The following CTNNA2 variants were observed in gnomAD, a reference collection of about 807,000 sequenced individuals.
CTNNA2 encodes the protein catenin alpha-2.
A neutral mutation model predicts 101.0 loss-of-function variants in CTNNA2; 42 were observed. That is an observed-to-expected ratio of 0.42 (90% CI 0.32 to 0.54). The LOEUF (loss-of-function observed/expected upper bound fraction) is 0.54. CTNNA2 is among the 20% of genes least tolerant of loss of function. The pLI, the probability that CTNNA2 is intolerant of heterozygous loss-of-function variation, is 0.14. For synonymous variants in CTNNA2, 450 were observed against 456.4 expected (o/e 0.99, Z 0.18); for missense variants, 871 against 1,223.1 (o/e 0.71, Z 4.29).
rs117133065 is a variant in CTNNA2, at chr2:79,586,928, T to C, written c.-5-64624T>C. 6.5e-3 allele frequency among the ~76,000 whole-genome samples: 992 copies of C among 152,274 alleles called. 46 individuals are homozygous for C. In the East Asian group the frequency reaches 0.098, roughly 15 times the overall value. ...AGTGAGAACATATGATATTTGGTTT[T>C]CCATTGCTGAGTTACTTCACTTAAA... On this transcript the variant is annotated intron_variant, in intron 1 of 18. Transcript: ENST00000402739.
chr2:80,172,737 C>G (rs553117855), intron 7 of CTNNA2, among the ~76,000 whole-genome samples: 2 of 152,144 alleles, frequency 1.3e-5, no homozygotes, highest in African/African-American at 4.8e-5. Flanking sequence ...CCTTGCAGCT[C>G]TTCTAGTTTC....
chr2:80,277,086 T>C (rs1178931248), intron 7 of CTNNA2, among the ~76,000 whole-genome samples: 1 of 152,138 alleles, frequency 6.6e-6, no homozygotes, highest in Admixed American at 6.5e-5. Flanking sequence ...ATTCACAGAA[T>C]TCACAGAAAA....
chr2:80,228,259 AG>A (rs1709002638), intron 7 of CTNNA2, among the ~76,000 whole-genome samples: 1 of 152,200 alleles, frequency 6.6e-6, no homozygotes, highest in African/African-American at 2.4e-5. Context: ...GGAATCTGGT[AG>A]GTTCAAAATC....
chr2:80,042,650 T>C (rs1333959664), intron 7 of CTNNA2, among the ~76,000 whole-genome samples: 1 of 152,200 alleles, frequency 6.6e-6, no homozygotes, highest in Non-Finnish European at 1.5e-5. Context: ...CGATTCATGA[T>C]ACCTGTCATA....
At chr2:80,619,907 G>A (rs909978965) in intron 18 of CTNNA2, among the ~76,000 whole-genome samples, 1 of 151,822 alleles carries the variant, frequency 6.6e-6, no homozygotes, top group East Asian at 1.9e-4. Flanking sequence ...GGCATGAAAA[G>A]CTGCTATTGT....
chr2:79,260,739 T>C (rs1237844129), intron 2 of CTNNA2, among the ~76,000 whole-genome samples: 1 of 152,126 alleles, frequency 6.6e-6, no homozygotes, highest in African/African-American at 2.4e-5. Flanking sequence ...CTTACACTAA[T>C]TAGCAATACT....
intron 7 of CTNNA2, among the ~76,000 whole-genome samples, chr2:79,918,540 G>A (rs985475446): frequency 2.6e-5 from 4 of 152,164 alleles, no homozygotes; most frequent in African/African-American, 7.2e-5. Context: ...GGGAATGTGT[G>A]CTGTCTTGGC....
At chr2:80,125,908 T>G (rs1702081837) in intron 7 of CTNNA2, among the ~76,000 whole-genome samples, 1 of 152,148 alleles carries the variant, frequency 6.6e-6, no homozygotes, top group South Asian at 2.1e-4. Context: ...GCTATTGTAC[T>G]TTTCTGCAGA....
At position 80,285,822 on chromosome 2, in the gene CTNNA2, A is replaced by C. The variant is rs139604981; in HGVS notation, c.1057-107389A>C. On this transcript the variant is annotated intron_variant, in intron 7 of 18. Transcript: ENST00000402739. ...CAGCCACTGCTATTCACATGTTGTT[A>C]GACAGGCATGACTTGTATGATAATA... Among the ~76,000 whole-genome samples the C allele has an allele frequency of 3.0e-3, 452 of 152,364 alleles. 3 individuals are homozygous for C. Among genetic ancestry groups the C allele is most frequent in the African/African-American group, 0.01 (427 of 41,598 alleles).
intron 1 of CTNNA2, among the ~76,000 whole-genome samples, chr2:79,590,750 T>A (rs1282817657): frequency 1.3e-5 from 2 of 152,222 alleles, no homozygotes; most frequent in Non-Finnish European, 2.9e-5. Context: ...ATAAACATTG[T>A]TGTCTTGCAA....
chr2:80,316,157 G>A (rs1291673932), intron 7 of CTNNA2, among the ~76,000 whole-genome samples: 2 of 152,056 alleles, frequency 1.3e-5, no homozygotes, highest in Non-Finnish European at 2.9e-5. Flanking sequence ...ACAAACACAG[G>A]TTTATACAGT....
chr2:79,725,630 T>C (rs1686789548), intron 2 of CTNNA2, among the ~76,000 whole-genome samples: 1 of 152,240 alleles, frequency 6.6e-6, no homozygotes, highest in Admixed American at 6.5e-5. Flanking sequence ...AATCTAATCA[T>C]GTCCTTACTA....
intron 4 of CTNNA2, among the ~76,000 whole-genome samples, chr2:79,412,404 A>C (rs1016475503): frequency 6.6e-6 from 1 of 152,090 alleles, no homozygotes; most frequent in African/African-American, 2.4e-5. Context: ...CCTAATAGAC[A>C]TCTACAGAAC....
intron 15 of CTNNA2, among the ~76,000 whole-genome samples, chr2:80,593,327 AT>A (rs371599488): frequency 2.5e-3 from 374 of 148,222 alleles, no homozygotes; most frequent in East Asian, 0.017. Flanking sequence ...CATGGATGTG[AT>A]TTTTTTTTTC....
chr2:80,456,966 A>C (rs1684030425), intron 9 of CTNNA2, among the ~76,000 whole-genome samples: 1 of 152,210 alleles, frequency 6.6e-6, no homozygotes, highest in South Asian at 2.1e-4. Flanking sequence ...TGCATATTTC[A>C]AAATAGCTTG....
rs1483627525 is a variant in CTNNA2, at chr2:80,599,017, T to C, written c.2190-5057T>C. Among the ~76,000 whole-genome samples the C allele has an allele frequency of 2.0e-5, 3 of 152,168 alleles. No individual in the cohort carries two copies. The East Asian group carries it at 5.8e-4, about 29-fold the overall frequency. On this transcript the variant is annotated intron_variant, in intron 15 of 18. Transcript: ENST00000402739. The stretch of plus-strand genomic sequence containing the variant: ...GAATATTCCCTATGGATTTTACCGG[T>C]ATCAATTTCCTGGTTTTGCTATTGT...
intron 9 of CTNNA2, among the ~76,000 whole-genome samples, chr2:80,531,252 G>A (rs1334004193): frequency 6.6e-6 from 1 of 152,182 alleles, no homozygotes; most frequent in Non-Finnish European, 1.5e-5. Flanking sequence ...TCTCCTTCGG[G>A]CAGTAACCAT....
chr2:80,052,905 G>T (rs1572952298), intron 7 of CTNNA2, among the ~76,000 whole-genome samples: 1 of 152,174 alleles, frequency 6.6e-6, no homozygotes, highest in East Asian at 1.9e-4. Flanking sequence ...TTTTGGGTGT[G>T]CACACCTAAT....
chr2:79,956,731 A>G (rs1399751506), intron 7 of CTNNA2, among the ~76,000 whole-genome samples: 1 of 152,160 alleles, frequency 6.6e-6, no homozygotes, highest in African/African-American at 2.4e-5. Flanking sequence ...TAGTGGATGG[A>G]AGGGCAGGCA....
Sources: gnomAD v4.1 joint callset for allele counts (sites outside exome capture counted in the v4.1 genomes callset) on GRCh38, gnomAD v4.1.1 for gene constraint, MANE v1.5 for transcripts, NCBI Gene and HGNC (gene_info 2026-07-23, HGNC 2026-07-21) for gene names.